Variants in C8orf34 observed in about 807,000 individuals in gnomAD.
C8orf34 encodes uncharacterized protein C8orf34.
In C8orf34, 65 loss-of-function variants were observed where a neutral mutation model predicts 68.3. The ratio of observed to expected loss-of-function variants is 0.95; its 90% CI spans 0.78 to 1.17. C8orf34 has a LOEUF of 1.17. Ranked by LOEUF, C8orf34 falls within the 50% of genes most tolerant of loss-of-function variation. The pLI is 0.00. For synonymous variants in C8orf34, 244 were observed against 241.2 expected, an observed-to-expected ratio of 1.01 and a Z score of -0.11; for missense variants, 664 against 655.4, an observed-to-expected ratio of 1.01 and a Z score of -0.14.
chr8:68,636,836 A>G (rs1359852743), intron 7 of C8orf34, among the ~76,000 whole-genome samples: 1 of 152,146 alleles, frequency 6.6e-6, no homozygotes, highest in African/African-American at 2.4e-5. Context: ...ATGGAATTCA[A>G]TGTACCAGCA....
chr8:68,556,064 C>G (rs1432810574), intron 7 of C8orf34, among the ~76,000 whole-genome samples: 1 of 151,940 alleles, frequency 6.6e-6, no homozygotes, highest in East Asian at 1.9e-4. Flanking sequence ...GTAATTTAAT[C>G]AAATCCACAT....
At chr8:68,364,951 C>G (rs926599449) in intron 1 of C8orf34, among the ~76,000 whole-genome samples, 10 of 151,068 alleles carry the variant, frequency 6.6e-5, no homozygotes, top group South Asian at 2.1e-4. Flanking sequence ...ATCAATGAAT[C>G]CAGGAGCTGG....
chr8:68,811,929 G>A (rs1006056327), intron 12 of C8orf34, among the ~76,000 whole-genome samples: 5 of 152,110 alleles, frequency 3.3e-5, no homozygotes, highest in Admixed American at 2.6e-4. Flanking sequence ...CCTCCACTCC[G>A]AAATTTCACT....
At chr8:68,357,288 T>A (rs1021026551) in intron 1 of C8orf34, among the ~76,000 whole-genome samples, 1 of 152,138 alleles carries the variant, frequency 6.6e-6, no homozygotes, top group Non-Finnish European at 1.5e-5. Flanking sequence ...TATGCAATAA[T>A]GTTAAGTAGG....
intron 9 of C8orf34, among the ~76,000 whole-genome samples, chr8:68,716,325 A>G (rs1353578863): frequency 6.6e-6 from 1 of 152,186 alleles, no homozygotes. Context: ...AAAATTAAAA[A>G]TCAAAAAACA....
intron 12 of C8orf34, among the ~76,000 whole-genome samples, chr8:68,809,226 T>G (rs1563681656): frequency 1.3e-5 from 2 of 152,346 alleles, no homozygotes; most frequent in Non-Finnish European, 1.5e-5. Context: ...TAGGGTTCTC[T>G]GCTAAATACT....
chr8:68,715,897 A>G (rs1821458223), intron 9 of C8orf34, among the ~76,000 whole-genome samples: 1 of 152,234 alleles, frequency 6.6e-6, no homozygotes, highest in African/African-American at 2.4e-5. Flanking sequence ...TTGCAATTGC[A>G]AAAATATGGA....
At chr8:68,779,440 CAT>C (rs1823614147) in intron 11 of C8orf34, among the ~76,000 whole-genome samples, 1 of 152,152 alleles carries the variant, frequency 6.6e-6, no homozygotes, top group South Asian at 2.1e-4. Context: ...CCAGAGGCAA[CAT>C]ACATGGGAGT....
chr8:68,400,446 A>T (rs997992171), intron 1 of C8orf34, among the ~76,000 whole-genome samples: 1 of 152,064 alleles, frequency 6.6e-6, no homozygotes, highest in Non-Finnish European at 1.5e-5. Context: ...ACTGAAAAGG[A>T]TATCCTTTCC....
chr8:68,461,854 C>T (rs1811846051), intron 3 of C8orf34, among the ~76,000 whole-genome samples: 1 of 152,132 alleles, frequency 6.6e-6, no homozygotes, highest in Non-Finnish European at 1.5e-5. Flanking sequence ...ATTGTAAAGA[C>T]CATCAAGGCT....
At chr8:68,557,529 C>G (rs1447372887) in intron 7 of C8orf34, among the ~76,000 whole-genome samples, 1 of 152,112 alleles carries the variant, frequency 6.6e-6, no homozygotes, top group Non-Finnish European at 1.5e-5. Flanking sequence ...TATTTCATTG[C>G]TATTTCTTTG....
intron 1 of C8orf34, among the ~76,000 whole-genome samples, chr8:68,352,959 A>G (rs1806576449): frequency 6.6e-6 from 1 of 152,140 alleles, no homozygotes; most frequent in Non-Finnish European, 1.5e-5. Context: ...TGGTGTCTAT[A>G]TTTTTAAGGG....
At chr8:68,715,146 A>C (rs1054463905) in intron 9 of C8orf34, among the ~76,000 whole-genome samples, 15 of 152,204 alleles carry the variant, frequency 9.9e-5, no homozygotes, top group African/African-American at 2.9e-4. Context: ...CAAGGACTTA[A>C]ATCTAAGACC....
At chr8:68,610,870 T>TG in intron 7 of C8orf34, among the ~76,000 whole-genome samples, 1 of 149,682 alleles carries the variant, frequency 6.7e-6, no homozygotes, top group African/African-American at 2.5e-5. Context: ...GGTTTTTTTT[T>TG]TTTTTTTTTT....
At chr8:68,533,221 A>T (rs567103373) in intron 7 of C8orf34, 72 bp downstream of exon 7, 2 of 1,497,074 alleles carry the variant, frequency 1.3e-6, no homozygotes, top group African/African-American at 2.9e-5. Flanking sequence ...TGATTAAGAG[A>T]TTTTAAAAGT....
chr8:68,776,462 G>T lies in C8orf34; in HGVS notation c.1455+13G>T. The T allele has an allele frequency of 6.2e-7, 1 of 1,607,888 alleles. No homozygotes were observed. Among genetic ancestry groups the T allele is most frequent in the South Asian group, 1.1e-5 (1 of 90,878 alleles). The stretch of plus-strand genomic sequence containing the variant: ...CTACATGGAAGAAGTGAGTTTTAAG[G>T]TTGCTTTATAATGTAGTCTGAAATC... On this transcript the variant is annotated intron_variant, in intron 11 of 13. Transcript: ENST00000518698.
intron 10 of C8orf34, among the ~76,000 whole-genome samples, chr8:68,768,831 C>T (rs1418006485): frequency 6.6e-6 from 1 of 152,082 alleles, no homozygotes; most frequent in Non-Finnish European, 1.5e-5. Context: ...CACCAGTTCC[C>T]ATACCTAGGC....
intron 7 of C8orf34, among the ~76,000 whole-genome samples, chr8:68,584,479 T>C (rs1817150811): frequency 6.6e-6 from 1 of 152,214 alleles, no homozygotes; most frequent in Non-Finnish European, 1.5e-5. Flanking sequence ...ATATCCATTT[T>C]GATATGTATA....
intron 5 of C8orf34, among the ~76,000 whole-genome samples, chr8:68,509,235 G>GC (rs1433526767): frequency 6.6e-6 from 1 of 152,192 alleles, no homozygotes; most frequent in African/African-American, 2.4e-5. Context: ...AGCAGAAGGG[G>GC]CCATTGTCAA....
Sources: gnomAD v4.1 joint callset for allele counts (sites outside exome capture counted in the v4.1 genomes callset) on GRCh38, gnomAD v4.1.1 for gene constraint, MANE v1.5 for transcripts, NCBI Gene and HGNC (gene_info 2026-07-23, HGNC 2026-07-21) for gene names.